CDH12: variants seen among roughly 807,000 people sequenced by gnomAD.
The protein encoded by CDH12 is cadherin-12.
A neutral mutation model predicts 74.1 loss-of-function variants in CDH12; 41 were observed. The ratio of observed to expected loss-of-function variants is 0.55; its 90% CI spans 0.43 to 0.72. CDH12 has a LOEUF of 0.72. Ranked by LOEUF, CDH12 falls within the 30% of genes least tolerant of loss-of-function variation. The probability of loss-of-function intolerance (pLI) is 0.00; values close to 1 mark genes in which losing one functional copy is unlikely to be tolerated. For synonymous variants in CDH12, 399 were observed against 355.0 expected, an observed-to-expected ratio of 1.12 and a Z score of -1.39; for missense variants, 945 against 977.2, an observed-to-expected ratio of 0.97 and a Z score of 0.44.
intron 1 of CDH12, among the ~76,000 whole-genome samples, chr5:22,816,050 G>A (rs1368680323): frequency 2.0e-5 from 3 of 152,178 alleles, no homozygotes; most frequent in East Asian, 1.9e-4. Context: ...TGAATGCAGC[G>A]ATTTTACTTG....
At chr5:22,208,892 T>C (rs1423264842) in intron 4 of CDH12, among the ~76,000 whole-genome samples, 7 of 152,248 alleles carry the variant, frequency 4.6e-5, no homozygotes, top group Non-Finnish European at 1.0e-4. Context: ...ATATACTTTG[T>C]GTTTTCTGTT....
At chr5:21,837,165 C>T (rs1749581153) in intron 8 of CDH12, among the ~76,000 whole-genome samples, 1 of 151,992 alleles carries the variant, frequency 6.6e-6, no homozygotes, top group Non-Finnish European at 1.5e-5. Context: ...ATATGCAACT[C>T]ACTTTCTGTA....
intron 1 of CDH12, among the ~76,000 whole-genome samples, chr5:22,772,752 A>G (rs949616260): frequency 1.3e-5 from 2 of 152,106 alleles, no homozygotes; most frequent in African/African-American, 4.8e-5. Flanking sequence ...GTGTATTTGT[A>G]TAAGTTTGTT....
intron 2 of CDH12, among the ~76,000 whole-genome samples, chr5:22,441,537 A>T (rs1254753708): frequency 6.6e-6 from 1 of 152,134 alleles, no homozygotes; most frequent in Admixed American, 6.6e-5. Flanking sequence ...AGTTTCACTA[A>T]CCTAAAACTA....
chr5:22,423,964 C>A (rs13162098), intron 2 of CDH12, among the ~76,000 whole-genome samples: 38,003 of 130,638 alleles, frequency 0.29, 5,175 homozygotes, highest in East Asian at 0.37. Flanking sequence ...GATCCCGCCA[C>A]TGCACTCCAG....
chr5:22,439,385 G>A (rs2126538277), intron 2 of CDH12, among the ~76,000 whole-genome samples: 1 of 152,064 alleles, frequency 6.6e-6, no homozygotes, highest in East Asian at 1.9e-4. Flanking sequence ...AAACTTTAGG[G>A]AATGATTCAG....
At chr5:22,472,771 A>G (rs1746018112) in intron 2 of CDH12, among the ~76,000 whole-genome samples, 2 of 152,148 alleles carry the variant, frequency 1.3e-5, no homozygotes, top group African/African-American at 2.4e-5. Context: ...GGTTTATGGT[A>G]TCTTGAACTG....
intron 1 of CDH12, among the ~76,000 whole-genome samples, chr5:22,518,240 G>A (rs1736890673): frequency 6.6e-6 from 1 of 152,196 alleles, no homozygotes; most frequent in Non-Finnish European, 1.5e-5. Context: ...CAGAGTCCAA[G>A]CACCATCTCT....
At chr5:22,265,888 T>C (rs1753685044) in intron 3 of CDH12, among the ~76,000 whole-genome samples, 1 of 152,056 alleles carries the variant, frequency 6.6e-6, no homozygotes, top group Admixed American at 6.6e-5. Context: ...ACTTAAAGAT[T>C]GAAGAGGACT....
At chr5:22,155,029 T>C (rs1439937434) in intron 4 of CDH12, among the ~76,000 whole-genome samples, 1 of 152,152 alleles carries the variant, frequency 6.6e-6, no homozygotes, top group African/African-American at 2.4e-5. Flanking sequence ...GGGAGTGACC[T>C]CACCTCCTCC....
At chr5:22,466,116 C>A (rs956482800) in intron 2 of CDH12, among the ~76,000 whole-genome samples, 2 of 152,160 alleles carry the variant, frequency 1.3e-5, no homozygotes, top group Admixed American at 1.3e-4. Flanking sequence ...CTCTAACCTG[C>A]TGATCTTTTT....
At chr5:22,296,763 T>C (rs7722786) in intron 3 of CDH12, among the ~76,000 whole-genome samples, 1 of 152,200 alleles carries the variant, frequency 6.6e-6, no homozygotes, top group Non-Finnish European at 1.5e-5. Flanking sequence ...TTTCAGAGCT[T>C]ACAAATGATT....
At chr5:22,610,978 T>C (rs113755466) in intron 1 of CDH12, among the ~76,000 whole-genome samples, 4 of 152,160 alleles carry the variant, frequency 2.6e-5, no homozygotes, top group African/African-American at 7.2e-5. Flanking sequence ...AACATACTAC[T>C]ATGACTTCAT....
chr5:21,952,723 A>T (rs987847742), intron 6 of CDH12, among the ~76,000 whole-genome samples: 6 of 151,882 alleles, frequency 4.0e-5, no homozygotes, highest in Non-Finnish European at 8.8e-5. Context: ...GAATGAATAA[A>T]ATATTTGAGT....
At chr5:21,857,464 A>G (rs1295199679) in intron 6 of CDH12, among the ~76,000 whole-genome samples, 2 of 151,860 alleles carry the variant, frequency 1.3e-5, no homozygotes, top group Non-Finnish European at 2.9e-5. Context: ...TCAAGTTCCC[A>G]TATAACACTG....
In CDH12 at chr5:22,223,128, T is replaced by C. The variant is rs140693211; in HGVS notation, c.-332-10485A>G. Among the ~76,000 whole-genome samples the C allele has an allele frequency of 4.8e-4, 73 of 152,124 alleles. No individual in the cohort carries two copies. The East Asian group carries it at 0.014, about 28-fold the overall frequency. ...AAGACTGCCCTCAGAATCTTTTAGTTCAGTGTATTTTAGAAGAGTTAGGGA... is the reference window on the plus strand; with the variant it reads ...AAGACTGCCCTCAGAATCTTTTAGTCCAGTGTATTTTAGAAGAGTTAGGGA... On this transcript the variant is annotated intron_variant, in intron 3 of 14. Transcript: ENST00000382254.
intron 1 of CDH12, among the ~76,000 whole-genome samples, chr5:22,604,687 G>C (rs1367049879): frequency 2.0e-5 from 3 of 152,164 alleles, no homozygotes; most frequent in Non-Finnish European, 4.4e-5. Flanking sequence ...GTGGGCCAAG[G>C]GGTCTGCTGC....
chr5:22,670,823 T>G (rs972288634), intron 1 of CDH12, among the ~76,000 whole-genome samples: 1 of 152,070 alleles, frequency 6.6e-6, no homozygotes, highest in Non-Finnish European at 1.5e-5. Context: ...TAGGTGTCGT[T>G]CAAAATGAAA....
chr5:22,387,307 A>C (rs1010264269), intron 3 of CDH12, among the ~76,000 whole-genome samples: 5 of 152,174 alleles, frequency 3.3e-5, no homozygotes, highest in Non-Finnish European at 5.9e-5. Flanking sequence ...TGTAATGTAC[A>C]TTAAAAAAGT....
Sources: gnomAD v4.1 joint callset for allele counts (sites outside exome capture counted in the v4.1 genomes callset) on GRCh38, gnomAD v4.1.1 for gene constraint, MANE v1.5 for transcripts, NCBI Gene and HGNC (gene_info 2026-07-23, HGNC 2026-07-21) for gene names.